Variants in GABBR2 observed in about 807,000 individuals in gnomAD.
GABBR2 encodes the protein G-protein coupled receptor 51.
GABBR2 carries 23 observed loss-of-function variants against 105.6 expected under a neutral mutation model. That is an observed-to-expected ratio of 0.22 (90% CI 0.16 to 0.31). The LOEUF (loss-of-function observed/expected upper bound fraction) is 0.31, where lower values mean the gene tolerates loss of function less well. GABBR2 is among the 10% of genes least tolerant of loss of function. GABBR2 has a pLI of 1.00. For missense variants in GABBR2, 734 were observed against 1,245.5 expected (o/e 0.59, Z 6.18); for synonymous variants, 478 against 499.7 (o/e 0.96, Z 0.58).
intron 1 of GABBR2, among the ~76,000 whole-genome samples, chr9:98,611,488 A>ATGAATGAC (rs1829506177): frequency 6.6e-6 from 1 of 152,138 alleles, no homozygotes; most frequent in Non-Finnish European, 1.5e-5. Flanking sequence ...GAATGAATGA[A>ATGAATGAC]TGAATGAAAT....
chr9:98,479,104 T>C (rs1439502375), intron 5 of GABBR2, among the ~76,000 whole-genome samples: 2 of 152,196 alleles, frequency 1.3e-5, no homozygotes, highest in African/African-American at 4.8e-5. Context: ...ATATTTTCTA[T>C]TTTTCTCATG....
chr9:98,460,178 G>T (rs1299423871), intron 6 of GABBR2, among the ~76,000 whole-genome samples: 1 of 152,136 alleles, frequency 6.6e-6, no homozygotes, highest in Non-Finnish European at 1.5e-5. Flanking sequence ...GGCTGAGGTG[G>T]GCAGATCACC....
intron 7 of GABBR2, among the ~76,000 whole-genome samples, chr9:98,428,623 A>G (rs1825742203): frequency 6.6e-6 from 1 of 152,244 alleles, no homozygotes; most frequent in South Asian, 2.1e-4. Context: ...GATGGATCAC[A>G]TGACTGGAAC....
chr9:98,607,494 G>T lies in GABBR2; in HGVS notation c.322-29422C>A, dbSNP rs569302428. ...CCAAGAACATAAAATTAAAATATAT[G>T]AATTTCTAGAAACATAATAAAGAAG... On this transcript the variant is annotated intron_variant, in intron 1 of 18. Transcript: ENST00000259455. The T allele has an allele frequency of 1.4e-5, 8 of 576,800 alleles. No homozygotes were observed. In the African/African-American group the frequency reaches 1.5e-4, roughly 11 times the overall value. 35.7% of individuals were successfully genotyped at this position (576,800 alleles called of 1,614,324 possible).
At chr9:98,600,077 G>GGCAT (rs1829303465) in intron 1 of GABBR2, among the ~76,000 whole-genome samples, 1 of 152,128 alleles carries the variant, frequency 6.6e-6, no homozygotes, top group Non-Finnish European at 1.5e-5. Flanking sequence ...TTTCTACTGA[G>GGCAT]GCATGCATCT....
intron 1 of GABBR2, among the ~76,000 whole-genome samples, chr9:98,624,278 G>T (rs1490193812): frequency 1.3e-5 from 2 of 152,170 alleles, no homozygotes; most frequent in African/African-American, 4.8e-5. Context: ...CAGGGCCAGG[G>T]CCTACAAGTC....
chr9:98,565,261 T>TC (rs140294778), intron 2 of GABBR2, among the ~76,000 whole-genome samples: 20,356 of 152,196 alleles, frequency 0.13, 1,796 homozygotes, highest in Non-Finnish European at 0.2. Flanking sequence ...GCAAGGCTGC[T>TC]CCTCTACTCT....
At chr9:98,576,736 T>A (rs1362014231) in intron 2 of GABBR2, among the ~76,000 whole-genome samples, 3 of 152,230 alleles carry the variant, frequency 2.0e-5, no homozygotes, top group African/African-American at 7.2e-5. Flanking sequence ...AGACCCTCCA[T>A]ATACAACCTT....
chr9:98,649,792 CA>C (rs1830079909), intron 1 of GABBR2, among the ~76,000 whole-genome samples: 2 of 152,086 alleles, frequency 1.3e-5, no homozygotes, highest in Non-Finnish European at 2.9e-5. Flanking sequence ...AAAATATGTA[CA>C]AACTTTACAA....
chr9:98,539,519 C>T (rs1036867327), intron 3 of GABBR2, among the ~76,000 whole-genome samples: 3 of 152,116 alleles, frequency 2.0e-5, no homozygotes, highest in Non-Finnish European at 4.4e-5. Flanking sequence ...TGAACTTTGT[C>T]CCCTTCCCTC....
chr9:98,505,866 T>C (rs934471724), intron 3 of GABBR2, among the ~76,000 whole-genome samples: 5 of 152,148 alleles, frequency 3.3e-5, no homozygotes. Flanking sequence ...CCTCCAGAAC[T>C]ATGAGACAAT....
chr9:98,600,579 C>A (rs10986955), intron 1 of GABBR2, among the ~76,000 whole-genome samples: 39,604 of 152,196 alleles, frequency 0.26, 5,917 homozygotes, highest in Non-Finnish European at 0.34. Context: ...AGGCATGGTG[C>A]TCAGCAAGTG....
chr9:98,359,320 T>C (rs1831541136), intron 13 of GABBR2, among the ~76,000 whole-genome samples: 1 of 151,988 alleles, frequency 6.6e-6, no homozygotes, highest in Non-Finnish European at 1.5e-5. Context: ...CCCAGCTACT[T>C]GGGAGGCTGA....
chr9:98,433,870 G>T (rs1825855427), intron 7 of GABBR2, among the ~76,000 whole-genome samples: 1 of 152,118 alleles, frequency 6.6e-6, no homozygotes, highest in African/African-American at 2.4e-5. Context: ...AGAGTGGCTA[G>T]GTGGAAGACA....
At chr9:98,477,017 T>C (rs1826806847) in intron 5 of GABBR2, among the ~76,000 whole-genome samples, 2 of 152,300 alleles carry the variant, frequency 1.3e-5, no homozygotes, top group East Asian at 1.9e-4. Flanking sequence ...AGTATTCCTA[T>C]GGTCAGAAGG....
chr9:98,332,403 C>T (rs1831043913), intron 13 of GABBR2, among the ~76,000 whole-genome samples: 1 of 152,152 alleles, frequency 6.6e-6, no homozygotes, highest in South Asian at 2.1e-4. Context: ...ATGTGCCAGG[C>T]TCAGAACTAG....
chr9:98,559,114 T>C (rs147420199), intron 2 of GABBR2, among the ~76,000 whole-genome samples: 1,720 of 152,150 alleles, frequency 0.011, 29 homozygotes, highest in African/African-American at 0.04. Context: ...TAATTATATG[T>C]TTAATTAACT....
chr9:98,387,861 T>C (rs1832102016), intron 10 of GABBR2, among the ~76,000 whole-genome samples: 1 of 152,138 alleles, frequency 6.6e-6, no homozygotes, highest in Non-Finnish European at 1.5e-5. Context: ...AAATTCCTTC[T>C]TTGCAAGCAG....
At chr9:98,545,715 T>G (rs1160260059) in intron 2 of GABBR2, among the ~76,000 whole-genome samples, 2 of 152,170 alleles carry the variant, frequency 1.3e-5, no homozygotes, top group Non-Finnish European at 2.9e-5. Flanking sequence ...CGAAATAAGA[T>G]ATCAAAATTC....
Sources: gnomAD v4.1 joint callset for allele counts (sites outside exome capture counted in the v4.1 genomes callset) on GRCh38, gnomAD v4.1.1 for gene constraint, MANE v1.5 for transcripts, NCBI Gene and HGNC (gene_info 2026-07-23, HGNC 2026-07-21) for gene names.